ACER2: variants seen among roughly 807,000 people sequenced by gnomAD.
The protein encoded by ACER2 is alkCDase 2.
Under a neutral mutation model 34.7 loss-of-function variants are expected in ACER2, and 26 were observed. The ratio of observed to expected loss-of-function variants is 0.75; its 90% CI spans 0.55 to 1.04. ACER2 has a LOEUF of 1.04. Among genes scored for constraint, ACER2 ranks in the 50% least tolerant of loss-of-function variants. ACER2 has a pLI of 0.00. For missense variants in ACER2, 352 were observed against 340.8 expected (o/e 1.03, Z -0.26); for synonymous variants, 138 against 132.1 (o/e 1.04, Z -0.31).
At chr9:19,447,428 G>A (rs375343471) in intron 5 of ACER2, among the ~76,000 whole-genome samples, 41 of 152,272 alleles carry the variant, frequency 2.7e-4, no homozygotes, top group African/African-American at 9.6e-4. Flanking sequence ...GGACTTCAAG[G>A]AGTGTTTGTA....
intron 4 of ACER2, among the ~76,000 whole-genome samples, chr9:19,436,183 T>C (rs571451707): frequency 5.3e-5 from 8 of 152,158 alleles, no homozygotes; most frequent in Non-Finnish European, 8.8e-5. Context: ...TCCCAAAGTA[T>C]TGGGATTGCA....
intron 4 of ACER2, among the ~76,000 whole-genome samples, chr9:19,444,064 G>A (rs983472474): frequency 9.9e-5 from 15 of 151,714 alleles, no homozygotes; most frequent in African/African-American, 2.9e-4. Flanking sequence ...GCTAAGGCAG[G>A]GGTGTCCGCT....
intron 4 of ACER2, among the ~76,000 whole-genome samples, chr9:19,440,626 TTC>T (rs945963840): frequency 3.3e-5 from 5 of 152,170 alleles, no homozygotes; most frequent in Non-Finnish European, 7.4e-5. Flanking sequence ...AGAAACAAAT[TTC>T]TGTTTTTATC....
chr9:19,444,491 T>G (rs1563891556), intron 4 of ACER2, among the ~76,000 whole-genome samples: 2 of 152,116 alleles, frequency 1.3e-5, no homozygotes. Context: ...AATTACAGGC[T>G]TGAGCCACCG....
intron 1 of ACER2, among the ~76,000 whole-genome samples, chr9:19,418,772 AC>A (rs1295557699): frequency 1.3e-5 from 2 of 152,172 alleles, no homozygotes; most frequent in African/African-American, 4.8e-5. Context: ...GCAGTAAACC[AC>A]CATGGCACGT....
intron 1 of ACER2, among the ~76,000 whole-genome samples, chr9:19,410,678 C>G (rs981498382): frequency 6.6e-6 from 1 of 152,206 alleles, no homozygotes; most frequent in Non-Finnish European, 1.5e-5. Context: ...CCACTCCACT[C>G]CAGCCTGGGC....
chr9:19,415,983 T>C (rs1262333903), intron 1 of ACER2, among the ~76,000 whole-genome samples: 1 of 151,902 alleles, frequency 6.6e-6, no homozygotes, highest in African/African-American at 2.4e-5. Flanking sequence ...GACATATACG[T>C]ACCTATTCAT....
chr9:19,430,993 A>G lies in ACER2; in HGVS notation c.366-3954A>G, dbSNP rs545294766. ...AAAAAACAAAAAACCCAACAAAACC[A>G]AACAACAACAACAACAAAAACCCAT... On this transcript the variant is annotated intron_variant, in intron 3 of 5. Transcript: ENST00000340967. 1.7e-4 allele frequency among the ~76,000 whole-genome samples: 25 copies of G among 147,786 alleles called. No homozygotes were observed. In the South Asian group the frequency reaches 5.6e-3, roughly 33 times the overall value.
intron 1 of ACER2, among the ~76,000 whole-genome samples, chr9:19,412,840 T>G (rs1487748937): frequency 1.3e-5 from 2 of 152,234 alleles, no homozygotes; most frequent in East Asian, 3.8e-4. Flanking sequence ...CAGTACTCCC[T>G]TTAATGGATT....
At chr9:19,435,606 G>T (rs1024171509) in intron 4 of ACER2, among the ~76,000 whole-genome samples, 1 of 152,192 alleles carries the variant, frequency 6.6e-6, no homozygotes, top group Non-Finnish European at 1.5e-5. Context: ...GCAAAAATCA[G>T]CTGGGCATGG....
chr9:19,424,139 G>C (rs540486640), intron 2 of ACER2, among the ~76,000 whole-genome samples, 163 bp downstream of exon 2: 1 of 152,146 alleles, frequency 6.6e-6, no homozygotes, highest in Non-Finnish European at 1.5e-5. Context: ...ATGCAGGCTT[G>C]ATAACAAAGT....
At position 19,424,637 on chromosome 9, in the gene ACER2, C is replaced by T. The variant is rs534285103; in HGVS notation, c.224-63C>T. The T allele has an allele frequency of 1.4e-5, 23 of 1,603,370 alleles. No individual in the cohort carries two copies. The East Asian group carries it at 4.0e-4, about 28-fold the overall frequency. On this transcript the variant is annotated intron_variant, in intron 2 of 5. Transcript: ENST00000340967. ...CATTGGTGAAAGGACTATCCTTAAG[C>T]AGTGTATTGAATTTGTGTCTCTTCT...
chr9:19,430,379 G>C (rs1398042567), intron 3 of ACER2, among the ~76,000 whole-genome samples: 2 of 152,148 alleles, frequency 1.3e-5, no homozygotes, highest in Non-Finnish European at 2.9e-5. Flanking sequence ...GACCCTAATG[G>C]GCTGGAAAGT....
chr9:19,411,266 C>T (rs760801687), intron 1 of ACER2, among the ~76,000 whole-genome samples: 15 of 152,210 alleles, frequency 9.9e-5, no homozygotes, highest in Non-Finnish European at 1.8e-4. Context: ...TACTCATAAA[C>T]CACAAAATTT....
chr9:19,451,209 C>G lies in ACER2; in HGVS notation c.*573C>G, dbSNP rs1024260749. 8.5e-5 allele frequency: 13 copies of G among 152,318 alleles called. No homozygotes were observed. The highest frequency in any genetic ancestry group is 3.1e-4 in the African/African-American group (13 of 41,452). 9.4% of individuals were successfully genotyped at this position (152,318 alleles called of 1,614,324 possible). A position where few individuals can be genotyped will look rare whatever the true frequency, so the allele number is the denominator to read the frequency against. ...TCTTCCTGGAGAAAGCTGGCCTGCT[C>G]CAGACCCCACCATTCCCAGGCGCCC... On this transcript the variant is annotated 3_prime_UTR_variant, in exon 6 of 6. Transcript: ENST00000340967.
At chr9:19,416,456 C>T (rs186669113) in intron 1 of ACER2, among the ~76,000 whole-genome samples, 2 of 152,220 alleles carry the variant, frequency 1.3e-5, no homozygotes, top group East Asian at 1.9e-4. Context: ...TTGAGCCAGC[C>T]CTGGAGCCTT....
chr9:19,422,821 C>G (rs1299993618), intron 1 of ACER2, among the ~76,000 whole-genome samples: 2 of 151,992 alleles, frequency 1.3e-5, no homozygotes, highest in African/African-American at 2.4e-5. Context: ...CACCTGAGGT[C>G]AGGAGTTTGA....
At chr9:19,409,750 C>G (rs1040407686) in intron 1 of ACER2, 24 of 985,202 alleles carry the variant, frequency 2.4e-5, no homozygotes, top group Non-Finnish European at 2.8e-5. Context: ...TTAATTACTA[C>G]TTGTTTTTTT....
At chr9:19,420,442 C>T (rs1341902726) in intron 1 of ACER2, among the ~76,000 whole-genome samples, 1 of 152,148 alleles carries the variant, frequency 6.6e-6, no homozygotes, top group East Asian at 1.9e-4. Context: ...CCTCACTCCA[C>T]AATTAGAGAT....
Sources: gnomAD v4.1 joint callset for allele counts (sites outside exome capture counted in the v4.1 genomes callset) on GRCh38, gnomAD v4.1.1 for gene constraint, MANE v1.5 for transcripts, NCBI Gene and HGNC (gene_info 2026-07-23, HGNC 2026-07-21) for gene names.